CX3CR1: variants seen among roughly 807,000 people sequenced by gnomAD.
CX3CR1 encodes C-X3-C motif chemokine receptor 1, also known as CX3C chemokine receptor 1.
For missense variants in CX3CR1, 363 were observed against 432.4 expected (o/e 0.84, Z 1.42); for synonymous variants, 168 against 178.5 (o/e 0.94, Z 0.47).
chr3:39,270,787 T>G (rs900929561), intron 1 of CX3CR1, among the ~76,000 whole-genome samples: 9 of 152,210 alleles, frequency 5.9e-5, no homozygotes, highest in African/African-American at 2.2e-4. Context: ...CTACGTATTT[T>G]GGAAAATAGT....
chr3:39,271,886 C>T (rs1017607939), intron 1 of CX3CR1, among the ~76,000 whole-genome samples: 1 of 152,182 alleles, frequency 6.6e-6, no homozygotes, highest in South Asian at 2.1e-4. Flanking sequence ...CCAAGATGTT[C>T]AAGGTTTGGG....
At chr3:39,268,431 G>A (rs2040731134) in intron 1 of CX3CR1, among the ~76,000 whole-genome samples, 1 of 152,140 alleles carries the variant, frequency 6.6e-6, no homozygotes, top group South Asian at 2.1e-4. Context: ...TAATATGTGG[G>A]AAACAGAAAT....
At chr3:39,270,304 G>A (rs1188190082) in intron 1 of CX3CR1, among the ~76,000 whole-genome samples, 1 of 152,138 alleles carries the variant, frequency 6.6e-6, no homozygotes, top group South Asian at 2.1e-4. Flanking sequence ...TTGCTTATTG[G>A]GATTTATCGT....
intron 1 of CX3CR1, 52 bp downstream of exon 1, chr3:39,279,902 T>C (rs1197858795): frequency 4.9e-6 from 4 of 820,976 alleles, no homozygotes; most frequent in Non-Finnish European, 5.9e-6. Flanking sequence ...ACCTATTAGC[T>C]GTCCACTGCT....
chr3:39,281,313 C>T, upstream of CX3CR1: 1 of 976,782 alleles, frequency 1.0e-6, no homozygotes, highest in Non-Finnish European at 1.3e-6. Context: ...GACACTGGCC[C>T]CTCCCCACCC....
chr3:39,284,336 A>G (rs1052728052), upstream of CX3CR1, among the ~76,000 whole-genome samples: 2 of 152,186 alleles, frequency 1.3e-5, no homozygotes, highest in East Asian at 1.9e-4. Context: ...TAATTTTTGT[A>G]TTTTTAGTGG....
the CX3CR1 span, among the ~76,000 whole-genome samples, chr3:39,290,853 G>A: frequency 6.6e-5 from 10 of 151,906 alleles, no homozygotes; most frequent in Non-Finnish European, 1.5e-4. Context: ...CCTGGGAGGC[G>A]GAGGTTGCAG....
chr3:39,285,212 G>GA (rs4016656), upstream of CX3CR1, among the ~76,000 whole-genome samples: 2,287 of 115,596 alleles, frequency 0.02, 28 homozygotes, highest in East Asian at 0.045. Flanking sequence ...CATTGGTACA[G>GA]AAAAAAAAAA....
chr3:39,273,246 A>G (rs1191714128), intron 1 of CX3CR1, among the ~76,000 whole-genome samples: 1 of 152,250 alleles, frequency 6.6e-6, no homozygotes, highest in African/African-American at 2.4e-5. Flanking sequence ...ATAACCCAGC[A>G]GGCTGCCCCT....
At chr3:39,281,882 A>G (rs2040904850), upstream of CX3CR1, 1 of 581,280 alleles carries the variant, frequency 1.7e-6, no homozygotes, top group Non-Finnish European at 3.1e-6. Flanking sequence ...TATGTTCCAC[A>G]GCTGCTAGCA....
In CX3CR1 at chr3:39,265,093, C is replaced by G. The variant is rs1474078266; in HGVS notation, c.*349G>C. On this transcript the variant is annotated 3_prime_UTR_variant, in exon 2 of 2. Coordinates refer to ENST00000399220, the MANE Select transcript of CX3CR1 (RefSeq NM_001337.4). ...AGCTTGGCTCAGGCCCTGGTTTCCCCTCACTTTGAGGGCTCAGACACCCTT... is the reference window on the plus strand; with the variant it reads ...AGCTTGGCTCAGGCCCTGGTTTCCCGTCACTTTGAGGGCTCAGACACCCTT... 5.3e-6 allele frequency: 1 copy of G among 188,484 alleles called. No homozygotes were observed. Among genetic ancestry groups the G allele is most frequent in the Non-Finnish European group, 1.1e-5 (1 of 92,298 alleles). The allele number at this position is 188,484 out of a possible 1,614,324, so 11.7% of individuals were successfully genotyped here.
At chr3:39,268,209 G>A (rs983613791) in intron 1 of CX3CR1, among the ~76,000 whole-genome samples, 3 of 152,318 alleles carry the variant, frequency 2.0e-5, no homozygotes, top group African/African-American at 2.4e-5. Flanking sequence ...TAAGTGGGCC[G>A]GGGCTTTACA....
chr3:39,273,141 C>T (rs1193294076), intron 1 of CX3CR1, among the ~76,000 whole-genome samples: 1 of 152,260 alleles, frequency 6.6e-6, no homozygotes, highest in Non-Finnish European at 1.5e-5. Flanking sequence ...CCACTTCTCT[C>T]GAAGTAGAAC....
In CX3CR1 at chr3:39,266,403, A is replaced by G. The variant is rs1297200530; in HGVS notation, c.107T>C (p.Ile36Thr). ...IVVFGTVFLS[I>T]FYSVIFAIGL... ...AATGGCAAAGATGACGGAGTAGAAT[A>G]TGGACAGGAACACAGTCCCAAAGAC... The change falls in exon 2 of 2, where the codon ATA (isoleucine) becomes ACA (threonine). Residue 36 changes from isoleucine to threonine, a missense_variant. Physicochemically the swap from Ile to Thr is moderately conservative, Grantham distance 89 (BLOSUM62 -1). Coordinates refer to ENST00000399220, the MANE Select transcript of CX3CR1 (RefSeq NM_001337.4). 1.2e-5 allele frequency: 20 copies of G among 1,614,108 alleles called. No individual in the cohort carries two copies. The highest frequency in any genetic ancestry group is 2.7e-5 in the African/African-American group (2 of 74,932).
chr3:39,290,906 T>C, the CX3CR1 span, among the ~76,000 whole-genome samples: 1 of 151,740 alleles, frequency 6.6e-6, no homozygotes. Context: ...GGGGGGACAC[T>C]GCGAGACTCT....
In CX3CR1 at chr3:39,265,801, C is replaced by T; in HGVS notation, c.709G>A (p.Val237Ile). 6.2e-7 allele frequency: 1 copy of T among 1,614,132 alleles called. No individual in the cohort carries two copies. The highest frequency in any genetic ancestry group is 1.3e-5 in the African/African-American group (1 of 75,048). The change falls in exon 2 of 2, where the codon GTC becomes ATC. Residue 237 changes from valine (V) to isoleucine (I), a missense_variant. Val to Ile is a conservative substitution (Grantham distance 29, BLOSUM62 3). Transcript: ENST00000399220. The stretch of plus-strand genomic sequence containing the variant: ...GTCCAGAAGAGGAAAAACACGATGA[C>T]CACCAGAAGGATCAGTTTAATGGCT... Reference protein sequence around the residue: ...AKAIKLILLVVIVFFLFWTPY... With the variant: ...AKAIKLILLVIIVFFLFWTPY...
chr3:39,281,775 C>G (rs775558804), upstream of CX3CR1: 6 of 1,078,832 alleles, frequency 5.6e-6, no homozygotes, highest in Non-Finnish European at 8.2e-6. Flanking sequence ...TCCACTTCCC[C>G]CAACATGCCT....
At position 39,265,371 on chromosome 3, in the gene CX3CR1, C is replaced by G. The variant is rs1211424767; in HGVS notation, c.*71G>C. 1.4e-6 allele frequency: 2 copies of G among 1,469,530 alleles called. No individual in the cohort carries two copies. The highest frequency in any genetic ancestry group is 1.8e-6 in the Non-Finnish European group (2 of 1,093,282). The allele number at this position is 1,469,530 out of a possible 1,614,324, so 91.0% of individuals were successfully genotyped here. The stretch of plus-strand genomic sequence containing the variant: ...GCCTGTAAGAAATAACAACAAAAAT[C>G]TTTCCTCACTAGTCAGCATCAGGTT... On this transcript the variant is annotated 3_prime_UTR_variant, in exon 2 of 2. Transcript: ENST00000399220.
At chr3:39,290,784 G>A in the CX3CR1 span, among the ~76,000 whole-genome samples, 1 of 152,034 alleles carries the variant, frequency 6.6e-6, no homozygotes, top group Non-Finnish European at 1.5e-5. Flanking sequence ...TGCCAGGCAT[G>A]GTGGTGGGCG....
Sources: gnomAD v4.1 joint callset for allele counts (sites outside exome capture counted in the v4.1 genomes callset) on GRCh38, gnomAD v4.1.1 for gene constraint, MANE v1.5 for transcripts, NCBI Gene and HGNC (gene_info 2026-07-23, HGNC 2026-07-21) for gene names.